Variants in PTPN9 observed in about 807,000 individuals in gnomAD.
PTPN9 encodes the protein protein tyrosine phosphatase non-receptor type 9.
Under a neutral mutation model 69.8 loss-of-function variants are expected in PTPN9, and 26 were observed. The observed-to-expected ratio is 0.37, with a 90% CI of 0.27 to 0.52. The LOEUF (loss-of-function observed/expected upper bound fraction) is 0.52, where lower values mean the gene tolerates loss of function less well. PTPN9 is among the 20% of genes least tolerant of loss of function. The pLI is 0.91. For synonymous variants in PTPN9, 274 were observed against 272.5 expected (o/e 1.01, Z -0.05); for missense variants, 549 against 740.3 (o/e 0.74, Z 3.00).
intron 4 of PTPN9, among the ~76,000 whole-genome samples, chr15:75,519,989 G>T (rs903281284): frequency 6.6e-6 from 1 of 152,120 alleles, no homozygotes; most frequent in Admixed American, 6.5e-5. Context: ...AATTGGACGG[G>T]TTTATTAGTA....
Position 75,468,916 on chromosome 15 carries a change from C to G in PTPN9, c.1635G>C (p.Gln545His), listed in dbSNP as rs1194006527. 2 of 1,614,228 alleles carry G rather than the reference C, an allele frequency of 1.2e-6. No homozygotes were observed. Among genetic ancestry groups the G allele is most frequent in the Non-Finnish European group, 1.7e-6 (2 of 1,180,040 alleles). The change falls in exon 13 of 13, where the codon CAG (glutamine) becomes CAC (histidine). Residue 545 changes from glutamine (Q) to histidine (H), a missense_variant. Around this residue, in one of 3 missense-constraint regions of PTPN9, gnomAD observed 457 missense variants for 661.9 expected, o/e 0.69. Transcript: ENST00000618819. Reference sequence around the variant, plus strand: ...TCTGGGTCCTCATGCGTGACACCGTCTGGAACACATTAAGGGTGCCAAGCT... The same window carrying G: ...TCTGGGTCCTCATGCGTGACACCGTGTGGAACACATTAAGGGTGCCAAGCT... Reference protein sequence around the residue: ...LEELGTLNVFQTVSRMRTQRA... With the variant: ...LEELGTLNVFHTVSRMRTQRA...
chr15:75,470,097 C>T (rs2074556096), intron 11 of PTPN9, 98 bp from the exon 12 acceptor site: 6 of 1,110,560 alleles, frequency 5.4e-6, no homozygotes, highest in Non-Finnish European at 8.0e-6. Context: ...GTTATCCCTA[C>T]CACCAAGGCT....
chr15:75,529,583 G>A (rs571585542), intron 1 of PTPN9, among the ~76,000 whole-genome samples: 2 of 152,246 alleles, frequency 1.3e-5, no homozygotes, highest in African/African-American at 2.4e-5. Context: ...CCATGGACAC[G>A]GTAATTCTGT....
intron 1 of PTPN9, among the ~76,000 whole-genome samples, chr15:75,551,951 T>C (rs1299416748): frequency 6.6e-6 from 1 of 151,294 alleles, no homozygotes; most frequent in Non-Finnish European, 1.5e-5. Context: ...GGCAGAAGAA[T>C]TGCTGGAAAC....
chr15:75,509,208 A>T (rs2074834379), intron 5 of PTPN9, among the ~76,000 whole-genome samples, 181 bp from the exon 6 acceptor site: 1 of 152,198 alleles, frequency 6.6e-6, no homozygotes, highest in African/African-American at 2.4e-5. Flanking sequence ...TTAGAAGCTG[A>T]TTTACCTTTA....
intron 1 of PTPN9, among the ~76,000 whole-genome samples, chr15:75,540,969 C>T (rs978030651): frequency 8.6e-5 from 13 of 151,552 alleles, no homozygotes; most frequent in African/African-American, 3.2e-4. Context: ...GTCCCAGGTA[C>T]TCAGGAGGCT....
chr15:75,535,609 G>T (rs191472073), intron 1 of PTPN9, among the ~76,000 whole-genome samples: 14 of 152,338 alleles, frequency 9.2e-5, no homozygotes, highest in Admixed American at 7.8e-4. Flanking sequence ...AGTGATTCAA[G>T]ATAAGATGCA....
intron 5 of PTPN9, among the ~76,000 whole-genome samples, chr15:75,516,785 G>T (rs1368359369): frequency 8.3e-6 from 1 of 119,794 alleles, no homozygotes; most frequent in African/African-American, 3.3e-5. Context: ...TCGCTCTGTC[G>T]CCAGGCTGGA....
intron 8 of PTPN9, among the ~76,000 whole-genome samples, chr15:75,489,174 CAAAA>C (rs35540489): frequency 3.1e-5 from 2 of 64,234 alleles, no homozygotes; most frequent in African/African-American, 5.7e-5. Context: ...GACTCCGTCT[CAAAA>C]AAAAAAAAAA....
At chr15:75,540,399 A>G (rs1717081836) in intron 1 of PTPN9, among the ~76,000 whole-genome samples, 1 of 152,098 alleles carries the variant, frequency 6.6e-6, no homozygotes, top group African/African-American at 2.4e-5. Flanking sequence ...CTAAAAATAC[A>G]AAAATTAGCC....
chr15:75,552,051 A>G (rs2075058609), intron 1 of PTPN9, among the ~76,000 whole-genome samples: 1 of 151,636 alleles, frequency 6.6e-6, no homozygotes. Flanking sequence ...CAAAAAAAAA[A>G]AAGAAAAAAG....
intron 5 of PTPN9, among the ~76,000 whole-genome samples, chr15:75,516,687 C>T (rs1390885305): frequency 1.3e-5 from 2 of 149,856 alleles, no homozygotes; most frequent in Non-Finnish European, 3.0e-5. Context: ...GGATTACAGG[C>T]GTGAGTCATG....
chr15:75,512,141 G>A (rs986479519), intron 5 of PTPN9, among the ~76,000 whole-genome samples: 5 of 151,952 alleles, frequency 3.3e-5, no homozygotes, highest in Non-Finnish European at 4.4e-5. Flanking sequence ...CACTGTACCC[G>A]GCCTCCTTTT....
At position 75,463,985 on chromosome 15, in the gene PTPN9, T is replaced by C. The variant is rs541459661; in HGVS notation, c.*4784A>G. 8 of 152,300 alleles carry C rather than the reference T, an allele frequency of 5.3e-5. No individual in the cohort carries two copies. Among genetic ancestry groups the C allele is most frequent in the African/African-American group, 1.9e-4 (8 of 41,544 alleles). The allele number at this position is 152,300 out of a possible 1,614,324, so 9.4% of individuals were successfully genotyped here. On this transcript the variant is annotated 3_prime_UTR_variant, in exon 13 of 13. Transcript: ENST00000618819. ...CATGCTTTGCCTCTGAGAAACCCTG[T>C]AGACCCCACATTAAGAAACAGGGAA...
intron 8 of PTPN9, among the ~76,000 whole-genome samples, chr15:75,481,882 G>A (rs1567470224): frequency 1.4e-5 from 2 of 146,956 alleles, no homozygotes; most frequent in Non-Finnish European, 3.0e-5. Flanking sequence ...GGAGGTGAGG[G>A]GGCGCCTCTG....
chr15:75,490,471 A>C (rs528975605), intron 7 of PTPN9, among the ~76,000 whole-genome samples, 170 bp from the exon 8 acceptor site: 23 of 152,298 alleles, frequency 1.5e-4, no homozygotes, highest in Non-Finnish European at 2.9e-4. Context: ...TTTTGTGGTA[A>C]GTACATACTA....
intron 1 of PTPN9, among the ~76,000 whole-genome samples, chr15:75,530,953 A>G (rs915169175): frequency 7.8e-6 from 1 of 128,548 alleles, no homozygotes; most frequent in African/African-American, 2.9e-5. Context: ...TATATTATAT[A>G]TAATATATAT....
chr15:75,519,825 T>G (rs973468356), intron 4 of PTPN9, among the ~76,000 whole-genome samples: 2 of 151,672 alleles, frequency 1.3e-5, no homozygotes, highest in Non-Finnish European at 2.9e-5. Context: ...AGGTCCAAGA[T>G]GCTGTTAAAA....
Position 75,537,363 on chromosome 15 carries a change from A to AC in PTPN9, c.64-10103_64-10102insG, listed in dbSNP as rs1159101075. ...TGAGACTCCGTCTCAAAAAAAAAAA[A>AC]AAAAAAAAACTAGTGATTGCTGAAA... On this transcript the variant is annotated intron_variant, in intron 1 of 12. Transcript: ENST00000618819. Among the ~76,000 whole-genome samples, 349 of 147,112 alleles carry AC rather than the reference A, an allele frequency of 2.4e-3. 3 individuals carry two copies. The highest frequency in any genetic ancestry group is 8.6e-3 in the African/African-American group (343 of 39,786).
Sources: gnomAD v4.1 joint callset for allele counts (sites outside exome capture counted in the v4.1 genomes callset) on GRCh38, gnomAD v4.1.1 for gene constraint, gnomAD v4.1.1 regional missense constraint, MANE v1.5 for transcripts, NCBI Gene and HGNC (gene_info 2026-07-23, HGNC 2026-07-21) for gene names.